Variants in CNTNAP2 observed in about 807,000 individuals in gnomAD.
The protein encoded by CNTNAP2 is contactin-associated protein-like 2.
CNTNAP2 carries 98 observed loss-of-function variants against 155.2 expected under a neutral mutation model. The observed-to-expected ratio is 0.63, with a 90% CI of 0.54 to 0.75. The LOEUF is 0.75. Ranked by LOEUF, CNTNAP2 falls within the 30% of genes least tolerant of loss-of-function variation. CNTNAP2 has a pLI of 0.00. For missense variants in CNTNAP2, 1,727 were observed against 1,688.1 expected, an observed-to-expected ratio of 1.02 and a Z score of -0.40; for synonymous variants, 651 against 631.2, an observed-to-expected ratio of 1.03 and a Z score of -0.47.
chr7:146,499,273 C>T (rs1330897569), intron 1 of CNTNAP2, among the ~76,000 whole-genome samples: 1 of 152,150 alleles, frequency 6.6e-6, no homozygotes, highest in Non-Finnish European at 1.5e-5. Flanking sequence ...ATCTCCACAT[C>T]CTGGGTTCAA....
intron 1 of CNTNAP2, among the ~76,000 whole-genome samples, chr7:146,257,488 C>T (rs913121495): frequency 2.6e-5 from 4 of 152,160 alleles, no homozygotes; most frequent in African/African-American, 7.2e-5. Flanking sequence ...AAAACTATCA[C>T]GTACTTCCAG....
chr7:147,575,806 T>C (rs1237951209), intron 12 of CNTNAP2, among the ~76,000 whole-genome samples: 1 of 152,008 alleles, frequency 6.6e-6, no homozygotes. Flanking sequence ...TTATTGATTA[T>C]CTGCTGTATG....
At chr7:146,931,119 T>A (rs1429350168) in intron 3 of CNTNAP2, among the ~76,000 whole-genome samples, 1 of 151,182 alleles carries the variant, frequency 6.6e-6, no homozygotes, top group Non-Finnish European at 1.5e-5. Context: ...CCACCCCAAA[T>A]CAACAGAATA....
At chr7:146,164,194 G>T (rs939280187) in intron 1 of CNTNAP2, among the ~76,000 whole-genome samples, 5 of 152,030 alleles carry the variant, frequency 3.3e-5, no homozygotes, top group African/African-American at 7.2e-5. Flanking sequence ...TTTAAGGTTT[G>T]CTTTCTTTCA....
At chr7:146,896,403 C>T (rs939542375) in intron 3 of CNTNAP2, among the ~76,000 whole-genome samples, 6 of 152,064 alleles carry the variant, frequency 3.9e-5, no homozygotes, top group Non-Finnish European at 7.4e-5. Flanking sequence ...TCCCCAACCA[C>T]GTGTACATTT....
chr7:147,402,954 A>G, intron 10 of CNTNAP2, among the ~76,000 whole-genome samples: 1 of 107,752 alleles, frequency 9.3e-6, no homozygotes, highest in East Asian at 4.2e-4. Context: ...ATAATCCTGA[A>G]AAAAAAAAAA....
intron 22 of CNTNAP2, chr7:148,389,740 T>G (rs1799304897): frequency 1.3e-5 from 2 of 152,158 alleles, no homozygotes; most frequent in African/African-American, 4.8e-5. Context: ...CGGCTCAGCA[T>G]TCACTCCTGA....
intron 1 of CNTNAP2, among the ~76,000 whole-genome samples, chr7:146,601,002 C>G (rs577342549): frequency 2.6e-4 from 39 of 152,232 alleles, no homozygotes; most frequent in African/African-American, 9.4e-4. Context: ...ATTATACTCT[C>G]TAAGAAACTA....
intron 11 of CNTNAP2, among the ~76,000 whole-genome samples, chr7:147,506,133 C>A (rs188307067): frequency 1.3e-5 from 2 of 152,284 alleles, no homozygotes; most frequent in Non-Finnish European, 2.9e-5. Flanking sequence ...GGACTACTAG[C>A]AACAGAGGAA....
intron 16 of CNTNAP2, among the ~76,000 whole-genome samples, chr7:148,145,055 C>T (rs889234336): frequency 3.9e-5 from 6 of 152,128 alleles, no homozygotes; most frequent in Non-Finnish European, 8.8e-5. Flanking sequence ...GAAAAAAGAG[C>T]CCTTTCCTTG....
chr7:147,046,752 G>A (rs550526736), intron 4 of CNTNAP2, among the ~76,000 whole-genome samples: 6 of 152,012 alleles, frequency 3.9e-5, no homozygotes, highest in Admixed American at 6.5e-5. Flanking sequence ...AGTTTAGGCC[G>A]GGCGCGGTGG....
In CNTNAP2 at chr7:146,439,227, A is replaced by G. The variant is rs777312665; in HGVS notation, c.97+322254A>G. 1.1e-3 allele frequency among the ~76,000 whole-genome samples: 172 copies of G among 151,412 alleles called. 2 individuals carry two copies. The highest frequency in any genetic ancestry group is 6.2e-4 in the South Asian group (3 of 4,818). On this transcript the variant is annotated intron_variant, in intron 1 of 23. Transcript: ENST00000361727. ...TTAAGATATTCATTTTTTAAAAAAC[A>G]CTCTCTTCAATTTCAAAGACATACA...
At chr7:147,298,309 C>T (rs574072927) in intron 8 of CNTNAP2, among the ~76,000 whole-genome samples, 12 of 151,860 alleles carry the variant, frequency 7.9e-5, no homozygotes, top group African/African-American at 1.4e-4. Flanking sequence ...CTATAATCCC[C>T]GCTACTTGGG....
chr7:148,014,589 T>C (rs1802142292), intron 15 of CNTNAP2, among the ~76,000 whole-genome samples: 1 of 152,166 alleles, frequency 6.6e-6, no homozygotes. Flanking sequence ...TCCCCAAATA[T>C]TACCAAAACA....
At chr7:148,260,246 T>A (rs1277254034) in intron 20 of CNTNAP2, among the ~76,000 whole-genome samples, 1 of 152,182 alleles carries the variant, frequency 6.6e-6, no homozygotes, top group Non-Finnish European at 1.5e-5. Flanking sequence ...CTCTCCTAAT[T>A]GAGGTGACTG....
At chr7:147,488,203 A>G (rs1430714083) in intron 11 of CNTNAP2, among the ~76,000 whole-genome samples, 1 of 152,242 alleles carries the variant, frequency 6.6e-6, no homozygotes, top group Non-Finnish European at 1.5e-5. Flanking sequence ...TATGCCATTC[A>G]GTTTGACACA....
intron 14 of CNTNAP2, among the ~76,000 whole-genome samples, chr7:147,916,237 A>T (rs561320408): frequency 2.6e-5 from 4 of 152,286 alleles, no homozygotes; most frequent in Non-Finnish European, 4.4e-5. Context: ...TTCCCCAAAG[A>T]AGCATAAAAA....
At chr7:147,376,104 C>A (rs1796429185) in intron 9 of CNTNAP2, among the ~76,000 whole-genome samples, 2 of 152,122 alleles carry the variant, frequency 1.3e-5, no homozygotes, top group East Asian at 3.9e-4. Context: ...TATTAAAAAA[C>A]AAATTAAAAG....
chr7:146,474,999 ACG>A lies in CNTNAP2; in HGVS notation c.98-299258_98-299257del, dbSNP rs549568997. Reference sequence around the variant, plus strand: ...AACATATGCCTGAGCACGAGCGCGCACGCGCGCGCGCGCGCACACACACACAC... The same window carrying A: ...AACATATGCCTGAGCACGAGCGCGCACGCGCGCGCGCGCACACACACACAC... On this transcript the variant is annotated intron_variant, in intron 1 of 23. Coordinates refer to ENST00000361727, the MANE Select transcript of CNTNAP2 (RefSeq NM_014141.6). 5.0e-3 allele frequency among the ~76,000 whole-genome samples: 696 copies of A among 138,532 alleles called. 5 individuals carry two copies. Among genetic ancestry groups the A allele is most frequent in the African/African-American group, 0.016 (605 of 38,848 alleles). 90.9% of individuals were successfully genotyped at this position (138,532 alleles called of 152,430 possible).
Sources: allele counts gnomAD v4.1 joint callset (sites outside exome capture counted in the v4.1 genomes callset), GRCh38; gene constraint gnomAD v4.1.1; transcripts MANE v1.5; gene names NCBI Gene and HGNC (gene_info 2026-07-23, HGNC 2026-07-21).